LHFPL6: variants seen among roughly 807,000 people sequenced by gnomAD.
LHFPL6 encodes LHFPL tetraspan subfamily member 6, also known as LHFPL tetraspan subfamily member 6 protein.
Under a neutral mutation model 20.6 loss-of-function variants are expected in LHFPL6, and 9 were observed. That is an observed-to-expected ratio of 0.44 (90% CI 0.26 to 0.76). The LOEUF is 0.76. LHFPL6 is among the 30% of genes least tolerant of loss of function. The pLI is 0.20. For missense variants in LHFPL6, 218 were observed against 253.5 expected (o/e 0.86, Z 0.95); for synonymous variants, 105 against 98.7 (o/e 1.06, Z -0.38).
chr13:39,516,467 C>G (rs565293715), intron 2 of LHFPL6, among the ~76,000 whole-genome samples: 1 of 152,358 alleles, frequency 6.6e-6, no homozygotes, highest in Admixed American at 6.5e-5. Flanking sequence ...CATAATTGAT[C>G]TCTATATGTT....
intron 2 of LHFPL6, among the ~76,000 whole-genome samples, chr13:39,544,182 G>A (rs1870900273): frequency 6.6e-6 from 1 of 152,128 alleles, no homozygotes. Flanking sequence ...GCAAAAAGAG[G>A]GGGAAATTGA....
intron 2 of LHFPL6, among the ~76,000 whole-genome samples, chr13:39,418,271 T>A (rs1004279513): frequency 2.0e-5 from 3 of 152,086 alleles, no homozygotes; most frequent in African/African-American, 4.8e-5. Context: ...AAATATTCAA[T>A]GAACTTAAAG....
intron 2 of LHFPL6, among the ~76,000 whole-genome samples, chr13:39,535,601 C>T (rs1408261795): frequency 6.6e-6 from 1 of 152,182 alleles, no homozygotes; most frequent in African/African-American, 2.4e-5. Context: ...GAATTTCAGG[C>T]ACTGATCCAG....
chr13:39,565,462 A>C (rs1321959693), intron 2 of LHFPL6, among the ~76,000 whole-genome samples: 1 of 152,238 alleles, frequency 6.6e-6, no homozygotes, highest in African/African-American at 2.4e-5. Context: ...TAGTTGTTAA[A>C]ATAAGATGGA....
intron 2 of LHFPL6, among the ~76,000 whole-genome samples, chr13:39,427,776 G>A (rs529629304): frequency 3.3e-5 from 5 of 152,290 alleles, no homozygotes; most frequent in East Asian, 1.9e-4. Flanking sequence ...CCCAAATCTC[G>A]TGTTGAATTG....
intron 2 of LHFPL6, among the ~76,000 whole-genome samples, chr13:39,405,957 G>C (rs1176083648): frequency 1.3e-5 from 2 of 152,130 alleles, no homozygotes; most frequent in Non-Finnish European, 2.9e-5. Context: ...TTTGTCCAAG[G>C]TATTTTTGCA....
At chr13:39,407,672 C>T (rs1871147571) in intron 2 of LHFPL6, among the ~76,000 whole-genome samples, 1 of 152,194 alleles carries the variant, frequency 6.6e-6, no homozygotes, top group Non-Finnish European at 1.5e-5. Context: ...TGATGCTCTA[C>T]TACCTAATAA....
intron 2 of LHFPL6, among the ~76,000 whole-genome samples, chr13:39,505,376 A>T (rs1175716068): frequency 6.6e-6 from 1 of 152,208 alleles, no homozygotes; most frequent in East Asian, 1.9e-4. Context: ...CTGAAGGCCT[A>T]CTATGCATAA....
chr13:39,542,949 T>C (rs1002703233), intron 2 of LHFPL6, among the ~76,000 whole-genome samples: 1 of 152,234 alleles, frequency 6.6e-6, no homozygotes, highest in Non-Finnish European at 1.5e-5. Flanking sequence ...CCATCACCAC[T>C]ATCCATTTCC....
chr13:39,457,328 A>G (rs1233323741), intron 2 of LHFPL6, among the ~76,000 whole-genome samples: 1 of 152,236 alleles, frequency 6.6e-6, no homozygotes. Context: ...ATTTGAACAG[A>G]CACTGCACAA....
chr13:39,392,304 G>A (rs1325413027), intron 2 of LHFPL6, among the ~76,000 whole-genome samples: 1 of 152,032 alleles, frequency 6.6e-6, no homozygotes, highest in Non-Finnish European at 1.5e-5. Context: ...CTCCAAAATC[G>A]GTAAAAGTGG....
chr13:39,588,326 C>T (rs891690910), intron 2 of LHFPL6, among the ~76,000 whole-genome samples: 1 of 152,172 alleles, frequency 6.6e-6, no homozygotes, highest in East Asian at 1.9e-4. Context: ...AGTGGGCACT[C>T]GATAAGTAAA....
rs141425076 is a variant in LHFPL6, at chr13:39,510,423, G to A, written c.385+90409C>T. Among the ~76,000 whole-genome samples the A allele has an allele frequency of 2.1e-3, 324 of 152,344 alleles. 1 individual carries two copies. Among genetic ancestry groups the A allele is most frequent in the African/African-American group, 7.4e-3 (306 of 41,578 alleles). On this transcript the variant is annotated intron_variant, in intron 2 of 3. Transcript: ENST00000379589. ...GTCTGTAGTAACTGCCAAGAGAGCT[G>A]TTTGTTTCTCCCCAGGGGTAGGTCA... is the stretch of plus-strand genomic sequence containing the variant.
At position 39,344,030 on chromosome 13, in the gene LHFPL6, T is replaced by C; in HGVS notation, c.509A>G (p.Tyr170Cys). 1 of 1,612,894 alleles carries C rather than the reference T, an allele frequency of 6.2e-7. No homozygotes were observed. Among genetic ancestry groups the C allele is most frequent in the Non-Finnish European group, 8.5e-7 (1 of 1,179,280 alleles). The change falls in exon 4 of 4, where the codon TAC becomes TGC. Residue 170 changes from tyrosine to cysteine, a missense_variant. Transcript: ENST00000379589. ...DLGKCEIGWA[Y>C]YCTGAGATAA... is the part of the protein sequence containing the mutation. ...AGTGGCACCTGCTCCCGTGCAGTAGTAGGCCCAGCCGATTTCACACTTCCC... is the reference window on the plus strand; with the variant it reads ...AGTGGCACCTGCTCCCGTGCAGTAGCAGGCCCAGCCGATTTCACACTTCCC...
intron 2 of LHFPL6, among the ~76,000 whole-genome samples, chr13:39,524,344 G>GA (rs11374987): frequency 0.79 from 114,816 of 145,588 alleles, 45,153 homozygotes; most frequent in African/African-American, 0.83. Context: ...GTAAGGCCTA[G>GA]AAAAAAAAAA....
intron 2 of LHFPL6, among the ~76,000 whole-genome samples, chr13:39,439,313 T>C (rs999932881): frequency 3.3e-5 from 5 of 152,234 alleles, no homozygotes; most frequent in African/African-American, 9.6e-5. Flanking sequence ...TTCTCCTTTT[T>C]AGAATAGGAG....
intron 2 of LHFPL6, among the ~76,000 whole-genome samples, chr13:39,465,464 A>G (rs1872781305): frequency 6.6e-6 from 1 of 152,146 alleles, no homozygotes; most frequent in East Asian, 1.9e-4. Flanking sequence ...GACATTTCAA[A>G]TTATGACTAT....
chr13:39,498,499 T>C (rs1201012829), intron 2 of LHFPL6, among the ~76,000 whole-genome samples: 1 of 152,222 alleles, frequency 6.6e-6, no homozygotes, highest in East Asian at 1.9e-4. Context: ...CCCCTTTTTC[T>C]CGTTCAGATT....
chr13:39,601,446 C>T (rs1447596299), intron 1 of LHFPL6, 56 bp from the exon 2 acceptor site: 1 of 411,646 alleles, frequency 2.4e-6, no homozygotes, highest in Non-Finnish European at 4.3e-6. Context: ...AGTGATAACA[C>T]TGTTTCAGCT....
Sources: allele counts gnomAD v4.1 joint callset (sites outside exome capture counted in the v4.1 genomes callset), GRCh38; gene constraint gnomAD v4.1.1; transcripts MANE v1.5; gene names NCBI Gene and HGNC (gene_info 2026-07-23, HGNC 2026-07-21).